WRN: variants seen among roughly 807,000 people sequenced by gnomAD.
The protein encoded by WRN is bifunctional 3'-5' exonuclease/ATP-dependent helicase WRN.
A neutral mutation model predicts 180.7 loss-of-function variants in WRN; 149 were observed. The observed-to-expected ratio is 0.82, with a 90% CI of 0.72 to 0.94. WRN has a LOEUF of 0.94. WRN is among the 40% of genes least tolerant of loss of function. The probability of loss-of-function intolerance (pLI) is 0.00; values close to 1 mark genes in which losing one functional copy is unlikely to be tolerated. For synonymous variants in WRN, 548 were observed against 568.9 expected (o/e 0.96, Z 0.52); for missense variants, 1,661 against 1,700.1 (o/e 0.98, Z 0.40).
intron 33 of WRN, among the ~76,000 whole-genome samples, chr8:31,161,268 G>A (rs1354850141): frequency 1.3e-5 from 2 of 152,140 alleles, no homozygotes; most frequent in African/African-American, 4.8e-5. Flanking sequence ...TTATAGAATT[G>A]TGAGAAATAT....
At chr8:31,154,856 T>A in intron 32 of WRN, 101 bp downstream of exon 32, 1 of 1,402,588 alleles carries the variant, frequency 7.1e-7, no homozygotes, top group Non-Finnish European at 9.9e-7. Flanking sequence ...ATCAATTTCC[T>A]CCAACCCTAC....
chr8:31,059,555 T>TACTTTTTTTA (rs1248296446), intron 3 of WRN, among the ~76,000 whole-genome samples: 1 of 152,200 alleles, frequency 6.6e-6, no homozygotes, highest in East Asian at 1.9e-4. Flanking sequence ...TAACTTTCAG[T>TACTTTTTTTA]ACTTAAGATG....
At chr8:31,082,854 A>G (rs1372800142) in intron 9 of WRN, among the ~76,000 whole-genome samples, 1 of 152,184 alleles carries the variant, frequency 6.6e-6, no homozygotes, top group Admixed American at 6.5e-5. Context: ...GACATCTTTT[A>G]CACCAATTAT....
At position 31,124,592 on chromosome 8, in the gene WRN, A is replaced by G. The variant is rs750264937; in HGVS notation, c.2701A>G (p.Lys901Glu). 1 of 1,612,558 alleles carries G rather than the reference A, an allele frequency of 6.2e-7. No individual in the cohort carries two copies. The highest frequency in any genetic ancestry group is 1.7e-5 in the Admixed American group (1 of 59,992). The change falls in exon 22 of 35, where the codon AAA (lysine) becomes GAA (glutamate). Residue 901 changes from lysine to glutamate, a missense_variant. Coordinates refer to ENST00000298139, the MANE Select transcript of WRN (RefSeq NM_000553.6). ...YKLKMMAKME[K>E]YLHSSRCRRQ... ...ATTAAAGATGATGGCAAAGATGGAA[A>G]AATATCTTCATTCTAGCAGATGTAG...
intron 1 of WRN, among the ~76,000 whole-genome samples, chr8:31,047,138 A>ATT (rs549940818): frequency 3.3e-4 from 38 of 115,256 alleles, no homozygotes; most frequent in African/African-American, 4.3e-4. Flanking sequence ...GGCAATGCTG[A>ATT]TTTTTTTTTT....
At chr8:31,090,391 TTGAA>T in intron 13 of WRN, 70 bp from the exon 14 acceptor site, 1 of 1,402,332 alleles carries the variant, frequency 7.1e-7, no homozygotes, top group Non-Finnish European at 1.0e-6. Context: ...AAATGAAAAA[TTGAA>T]TGGATTTTAA....
At chr8:31,107,491 A>T (rs976923242) in intron 18 of WRN, among the ~76,000 whole-genome samples, 1 of 152,188 alleles carries the variant, frequency 6.6e-6, no homozygotes, top group African/African-American at 2.4e-5. Flanking sequence ...TTGGGCCTCC[A>T]GTGCGGGGAG....
At chr8:31,059,898 T>C (rs1385957458) in intron 3 of WRN, among the ~76,000 whole-genome samples, 1 of 151,816 alleles carries the variant, frequency 6.6e-6, no homozygotes, top group Non-Finnish European at 1.5e-5. Context: ...CTACTAAAAA[T>C]ACAAAAAATT....
intron 8 of WRN, among the ~76,000 whole-genome samples, chr8:31,080,025 C>T (rs567530728): frequency 1.9e-4 from 29 of 152,112 alleles, no homozygotes; most frequent in Non-Finnish European, 1.8e-4. Flanking sequence ...AGATTACAGG[C>T]GCATGCCACC....
chr8:31,157,681 C>G, intron 33 of WRN, 151 bp downstream of exon 33: 1 of 1,255,294 alleles, frequency 8.0e-7, no homozygotes, highest in Admixed American at 2.1e-5. Context: ...GGAAAACAAT[C>G]TTTCTTCCCA....
intron 1 of WRN, among the ~76,000 whole-genome samples, chr8:31,055,073 A>G (rs1812217447): frequency 6.6e-6 from 1 of 152,216 alleles, no homozygotes; most frequent in Admixed American, 6.5e-5. Context: ...ATGGCTGCAT[A>G]GTATTCCATT....
At chr8:31,062,256 A>G (rs770493080) in intron 3 of WRN, among the ~76,000 whole-genome samples, 4 of 152,116 alleles carry the variant, frequency 2.6e-5, no homozygotes, top group South Asian at 4.1e-4. Flanking sequence ...TTGTTATATC[A>G]TGTTGGCCTG....
intron 6 of WRN, 102 bp from the exon 7 acceptor site, chr8:31,068,156 G>C: frequency 1.2e-6 from 1 of 809,048 alleles, no homozygotes; most frequent in Non-Finnish European, 2.1e-6. Context: ...CCATGTTTGG[G>C]TGCTTTGTGA....
intron 1 of WRN, among the ~76,000 whole-genome samples, chr8:31,049,127 C>T (rs771987798): frequency 2.1e-4 from 26 of 122,358 alleles, no homozygotes; most frequent in Admixed American, 6.5e-4. Context: ...AGGAGAATGG[C>T]GTGAACTCAG....
intron 21 of WRN, among the ~76,000 whole-genome samples, chr8:31,121,324 C>T (rs978124037): frequency 1.3e-5 from 2 of 151,894 alleles, no homozygotes; most frequent in Non-Finnish European, 1.5e-5. Context: ...CCTCCCACTA[C>T]AGTTTTTGTT....
chr8:31,046,545 T>C (rs1247957129), intron 1 of WRN, among the ~76,000 whole-genome samples: 1 of 152,222 alleles, frequency 6.6e-6, no homozygotes, highest in Non-Finnish European at 1.5e-5. Context: ...CCTCTGTTTC[T>C]TTCTGACTCT....
rs1056856351 is a variant in WRN at position 31,173,267 on chromosome 8, A to G, written c.*165A>G. On this transcript the variant is annotated 3_prime_UTR_variant, in exon 35 of 35. Coordinates refer to ENST00000298139, the MANE Select transcript of WRN (RefSeq NM_000553.6). Reference sequence around the variant, plus strand: ...ATCTTAAATCAGCCTTCCGCAATTCATGTAGTTTCTGGGTCTTCTGGGAGC... The same window carrying G: ...ATCTTAAATCAGCCTTCCGCAATTCGTGTAGTTTCTGGGTCTTCTGGGAGC... 1 of 705,990 alleles carries G rather than the reference A, an allele frequency of 1.4e-6. No homozygotes were observed. Among genetic ancestry groups the G allele is most frequent in the Non-Finnish European group, 2.4e-6 (1 of 413,922 alleles). The allele number at this position is 705,990 out of a possible 1,614,324, so 43.7% of individuals were successfully genotyped here. A position where few individuals can be genotyped will look rare whatever the true frequency, so the allele number is the denominator to read the frequency against.
At chr8:31,169,502 C>T (rs1476753867) in intron 34 of WRN, among the ~76,000 whole-genome samples, 5 of 151,768 alleles carry the variant, frequency 3.3e-5, no homozygotes, top group African/African-American at 1.2e-4. Context: ...GATAATTTTC[C>T]TAATGTTTTC....
At chr8:31,058,257 A>T in intron 1 of WRN, 115 bp from the exon 2 acceptor site, 1 of 566,772 alleles carries the variant, frequency 1.8e-6, no homozygotes, top group Non-Finnish European at 3.2e-6. Flanking sequence ...AGCATATTGT[A>T]TCTGTTTTGT....
Sources: allele counts gnomAD v4.1 joint callset (sites outside exome capture counted in the v4.1 genomes callset), GRCh38; gene constraint gnomAD v4.1.1; transcripts MANE v1.5; gene names NCBI Gene and HGNC (gene_info 2026-07-23, HGNC 2026-07-21).